The following WIZ variants were observed in gnomAD, a reference collection of about 807,000 sequenced individuals.
WIZ encodes protein Wiz.
WIZ carries 25 observed loss-of-function variants against 140.2 expected under a neutral mutation model. That is an observed-to-expected ratio of 0.18 (90% CI 0.13 to 0.25). WIZ has a LOEUF of 0.25. WIZ is among the 10% of genes least tolerant of loss of function. The pLI, the probability that WIZ is intolerant of heterozygous loss-of-function variation, is 1.00. For synonymous variants in WIZ, 1,125 were observed against 1,154.3 expected (o/e 0.97, Z 0.51); for missense variants, 2,231 against 2,632.6 (o/e 0.85, Z 3.34).
chr19:15,437,103 T>C lies in WIZ; in HGVS notation c.2443A>G (p.Ser815Gly), dbSNP rs1236993959. The part of the protein sequence containing the change: ...KVANFDPGTF[S>G]LMRCDFCGAG... ...CCGCAGAAGTCACAGCGCATCAGGC[T>C]GAAGGTGCCTGGGTCAAAGTTGGCC... is the stretch of plus-strand genomic sequence containing the variant. The change falls in exon 5 of 13, where the codon AGC becomes GGC. Residue 815 changes from serine (S) to glycine (G), a missense_variant. This residue lies in a region of WIZ where 118 missense variants were observed against 209.1 expected (regional missense o/e 0.56). Coordinates refer to ENST00000673675, the MANE Select transcript of WIZ (RefSeq NM_001371589.1). 1.9e-6 allele frequency: 3 copies of C among 1,607,338 alleles called. No individual in the cohort carries two copies. Among genetic ancestry groups the C allele is most frequent in the Non-Finnish European group, 2.5e-6 (3 of 1,177,176 alleles).
At chr19:15,447,115 G>A (rs1969946061) in intron 2 of WIZ, among the ~76,000 whole-genome samples, 9 of 152,214 alleles carry the variant, frequency 5.9e-5, no homozygotes, top group Admixed American at 5.9e-4. Flanking sequence ...AATGACAGAA[G>A]ATGATCTTGC....
In WIZ at chr19:15,427,397, C is replaced by A. The variant is rs757041876; in HGVS notation, c.3951G>T (p.Ser1317=). The A allele has an allele frequency of 6.2e-7, 1 of 1,613,084 alleles. No individual in the cohort carries two copies. The highest frequency in any genetic ancestry group is 1.7e-5 in the Admixed American group (1 of 60,010). Residue 1317 remains serine (S), a synonymous_variant, in exon 9 of 13, where the codon TCG becomes TCT. Coordinates refer to ENST00000673675, the MANE Select transcript of WIZ (RefSeq NM_001371589.1). This position sits in a 1 kb window ranked among gnomAD's most constrained non-coding sequence, Gnocchi z 6.4. ...MGVTEWYVNG[S]PIDTLREILK... ...GGATCTCCCGCAGCGTGTCGATGGG[C>A]GAGCCATTGACGTACCACTCGGTCA... is the stretch of plus-strand genomic sequence containing the variant.
rs1490276209 is a variant in WIZ at position 15,439,115 on chromosome 19, C to T, written c.1879G>A (p.Val627Met). The change falls in exon 4 of 13, where the codon GTG (valine) becomes ATG (methionine). Residue 627 changes from valine to methionine, a missense_variant. This residue lies in a region of WIZ where 475 missense variants were observed against 520.2 expected (regional missense o/e 0.91). Coordinates refer to ENST00000673675, the MANE Select transcript of WIZ (RefSeq NM_001371589.1). The surrounding 1 kb of genome is among the most constrained non-coding windows in gnomAD (Gnocchi z 7.0). ...EEEEEEEEDV[V>M]LTSEMDFSPE... ...GAAAAATCCATCTCGGAGGTCAGCA[C>T]TACATCCTCCTCCTCCTCCTCCTCC... 7 of 1,509,012 alleles carry T rather than the reference C, an allele frequency of 4.6e-6. No homozygotes were observed. The highest frequency in any genetic ancestry group is 6.2e-6 in the Non-Finnish European group (7 of 1,131,906). 93.5% of individuals were successfully genotyped at this position (1,509,012 alleles called of 1,614,324 possible).
intron 2 of WIZ, among the ~76,000 whole-genome samples, chr19:15,444,239 A>G (rs1481019534): frequency 6.6e-6 from 1 of 152,092 alleles, no homozygotes; most frequent in Non-Finnish European, 1.5e-5. Context: ...GAGTCAAGGG[A>G]TAAAAGTGGA....
chr19:15,426,868 A>C, intron 9 of WIZ, 114 bp downstream of exon 9: 2 of 1,258,682 alleles, frequency 1.6e-6, no homozygotes, highest in Non-Finnish European at 2.2e-6. Flanking sequence ...TGTCCTCTCT[A>C]CCTGCGTGTC....
At position 15,429,712 on chromosome 19, in the gene WIZ, C is replaced by G. The variant is rs1395312153; in HGVS notation, c.3289G>C (p.Ala1097Pro). The G allele has an allele frequency of 6.9e-7, 1 of 1,453,230 alleles. No homozygotes were observed. The highest frequency in any genetic ancestry group is 2.5e-5 in the East Asian group (1 of 39,946). 90.0% of individuals were successfully genotyped at this position (1,453,230 alleles called of 1,614,324 possible). A position where few individuals can be genotyped will look rare whatever the true frequency, so the allele number is the denominator to read the frequency against. The part of the protein sequence containing the change: ...SSPLLKKTPL[A>P]LAGSPTPKNP... ...TTAGGGGTAGGGGAGCCCGCCAGGGCCAGTGGTGTCTTTTTGAGGAGTGGA... is the reference window on the plus strand; with the variant it reads ...TTAGGGGTAGGGGAGCCCGCCAGGGGCAGTGGTGTCTTTTTGAGGAGTGGA... Residue 1097 changes from alanine (A) to proline (P), a missense_variant, in exon 7 of 13, where the codon GCC becomes CCC. This residue lies in a region of WIZ where 163 missense variants were observed against 166.8 expected (regional missense o/e 0.98). Transcript: ENST00000673675.
chr19:15,430,989 G>A lies in WIZ; in HGVS notation c.2911+23C>T, dbSNP rs578107357. ...GTAACCAGCCTGGCCAGCATCCCCT[G>A]CCATGCCACCTGGGCCACTCACCCT... On this transcript the variant is annotated intron_variant, in intron 6 of 12. Coordinates refer to ENST00000673675, the MANE Select transcript of WIZ (RefSeq NM_001371589.1). The A allele has an allele frequency of 1.9e-5, 28 of 1,502,536 alleles. No homozygotes were observed. In the South Asian group the frequency reaches 2.2e-4, roughly 12 times the overall value. The allele number at this position is 1,502,536 out of a possible 1,614,324, so 93.1% of individuals were successfully genotyped here.
At chr19:15,429,565 G>T in intron 7 of WIZ, 21 bp downstream of exon 7, 4 of 1,343,924 alleles carry the variant, frequency 3.0e-6, no homozygotes, top group Non-Finnish European at 3.8e-6. Flanking sequence ...ACCTCCCTCG[G>T]CTCTTGGGAC....
chr19:15,445,061 G>A (rs1568315410), intron 2 of WIZ, among the ~76,000 whole-genome samples: 1 of 152,226 alleles, frequency 6.6e-6, no homozygotes, highest in Non-Finnish European at 1.5e-5. Flanking sequence ...TCACCCAGAG[G>A]CCTCCACAGT....
chr19:15,443,604 T>A (rs1599711322), intron 2 of WIZ, among the ~76,000 whole-genome samples: 1 of 152,188 alleles, frequency 6.6e-6, no homozygotes, highest in East Asian at 1.9e-4. Flanking sequence ...TGAGCCCCTA[T>A]GATTTTCTCT....
At chr19:15,449,062 C>G (rs901299913) in intron 1 of WIZ, among the ~76,000 whole-genome samples, 1 of 152,188 alleles carries the variant, frequency 6.6e-6, no homozygotes, top group Non-Finnish European at 1.5e-5. Context: ...CCCCCACCCC[C>G]CAACCAAGAT....
In WIZ at chr19:15,426,920, G is replaced by T. The variant is rs1273004685; in HGVS notation, c.4366+62C>A. 10 of 1,541,174 alleles carry T rather than the reference G, an allele frequency of 6.5e-6. No homozygotes were observed. The African/African-American group carries it at 1.2e-4, about 19-fold the overall frequency. ...CCCTAGGCACTCTGGATACCCCCAA[G>T]GGGAGGCAGGGAGGAGACCCCTCCA... On this transcript the variant is annotated intron_variant, in intron 9 of 12. Transcript: ENST00000673675.
In WIZ at chr19:15,436,938, G is replaced by A. The variant is rs1386889937; in HGVS notation, c.2608C>T (p.Pro870Ser). The A allele has an allele frequency of 6.2e-7, 1 of 1,613,534 alleles. No individual in the cohort carries two copies. Among genetic ancestry groups the A allele is most frequent in the South Asian group, 1.1e-5 (1 of 91,018 alleles). ...ELLATSAAEQ[P>S]PSPLGREPGG... ...GGCTCTCGGCCCAGGGGGCTGGGGG[G>A]CTGCTCAGCAGCAGAGGTGGCCAGC... Residue 870 changes from proline (P) to serine (S), a missense_variant, in exon 5 of 13, where the codon CCC (proline) becomes TCC (serine). By Grantham distance (74) the Pro-to-Ser change is moderately conservative. Coordinates refer to ENST00000673675, the MANE Select transcript of WIZ (RefSeq NM_001371589.1).
At chr19:15,436,230 G>A (rs1336459783) in intron 5 of WIZ, among the ~76,000 whole-genome samples, 1 of 152,232 alleles carries the variant, frequency 6.6e-6, no homozygotes. Flanking sequence ...GACCAATGGT[G>A]TCCCTGTAAG....
Position 15,429,895 on chromosome 19 carries a change from G to C in WIZ, c.3106C>G (p.Leu1036Val), listed in dbSNP as rs1281567891. The change falls in exon 7 of 13, where the codon CTG becomes GTG. Residue 1036 changes from leucine (L) to valine (V), a missense_variant. By Grantham distance (32) the Leu-to-Val change is conservative. Around this residue, in one of 15 missense-constraint regions of WIZ, gnomAD observed 163 missense variants for 166.8 expected, o/e 0.98. Coordinates refer to ENST00000673675, the MANE Select transcript of WIZ (RefSeq NM_001371589.1). ...TTCAGTGAGCTGGACTTCTTAGCCA[G>C]GCCTGGGGGCAGCCCAAGGTGGGCG... Reference protein sequence around the residue: ...PDAHLGLPPGLAKKSSSLKEV... With the variant: ...PDAHLGLPPGVAKKSSSLKEV... The C allele has an allele frequency of 2.0e-5, 30 of 1,535,872 alleles. 1 individual carries two copies. In the Middle Eastern group the frequency reaches 1.0e-3, roughly 51 times the overall value.
intron 5 of WIZ, among the ~76,000 whole-genome samples, chr19:15,433,933 G>A (rs1254995502): frequency 6.6e-6 from 1 of 152,188 alleles, no homozygotes; most frequent in Non-Finnish European, 1.5e-5. Flanking sequence ...ACAGATCTAG[G>A]TAGGACCCCA....
chr19:15,432,312 A>G lies in WIZ; in HGVS notation c.2741-1130T>C, dbSNP rs766662087. 4.4e-4 allele frequency: 187 copies of G among 429,864 alleles called. 1 individual carries two copies. Among genetic ancestry groups the G allele is most frequent in the Admixed American group, 5.8e-4 (9 of 15,540 alleles). 26.6% of individuals were successfully genotyped at this position (429,864 alleles called of 1,614,324 possible). ...CGACAGAAGGCCCTGGGCCCACACA[A>G]CTAAAGGGCCTGGGGGAGGGGGGGG... On this transcript the variant is annotated intron_variant, in intron 5 of 12. Coordinates refer to ENST00000673675, the MANE Select transcript of WIZ (RefSeq NM_001371589.1).
intron 2 of WIZ, among the ~76,000 whole-genome samples, chr19:15,444,041 C>G (rs1445188132): frequency 2.6e-5 from 4 of 152,202 alleles, no homozygotes; most frequent in Non-Finnish European, 1.5e-5. Flanking sequence ...AATCGGGGAG[C>G]AGGCCAATTG....
At chr19:15,432,358 G>C in intron 5 of WIZ, 1 of 847,668 alleles carries the variant, frequency 1.2e-6, no homozygotes, top group Non-Finnish European at 1.4e-6. Context: ...TGGACGGAAG[G>C]CGTCGGGGGC....
Sources: gnomAD v4.1 joint callset for allele counts (sites outside exome capture counted in the v4.1 genomes callset) on GRCh38, gnomAD v4.1.1 for gene constraint, gnomAD v4.1.1 regional missense constraint, Gnocchi (gnomAD v3.1) non-coding constraint, MANE v1.5 for transcripts, NCBI Gene and HGNC (gene_info 2026-07-23, HGNC 2026-07-21) for gene names.